Variants in YBEY observed in about 807,000 individuals in gnomAD.
The protein encoded by YBEY is endoribonuclease YbeY.
In YBEY, 15 loss-of-function variants were observed where a neutral mutation model predicts 13.5. The observed-to-expected ratio is 1.11, with a 90% CI of 0.75 to 1.72. The LOEUF is 1.72. YBEY is among the 40% of genes most tolerant of loss of function. The pLI is 0.00. For missense variants in YBEY, 244 were observed against 208.4 expected, an observed-to-expected ratio of 1.17 and a Z score of -1.05; for synonymous variants, 101 against 83.1, an observed-to-expected ratio of 1.21 and a Z score of -1.17.
chr21:46,294,681 G>T (rs1221861277), intron 3 of YBEY, among the ~76,000 whole-genome samples: 1 of 151,184 alleles, frequency 6.6e-6, no homozygotes, highest in East Asian at 1.9e-4. Context: ...CCCGTGCCCG[G>T]GACTCAGTGG....
chr21:46,287,732 C>G (rs1240418830), intron 2 of YBEY, among the ~76,000 whole-genome samples: 1 of 152,088 alleles, frequency 6.6e-6, no homozygotes, highest in Non-Finnish European at 1.5e-5. Context: ...GGCTCATACC[C>G]ATAATCCCAG....
At chr21:46,290,531 A>G (rs1054258262) in intron 2 of YBEY, among the ~76,000 whole-genome samples, 1 of 151,908 alleles carries the variant, frequency 6.6e-6, no homozygotes, top group African/African-American at 2.4e-5. Context: ...AATGGAAACA[A>G]TTTAGGGCAC....
At chr21:46,296,084 C>G in intron 3 of YBEY, 78 bp from the exon 4 acceptor site, 1 of 1,521,260 alleles carries the variant, frequency 6.6e-7, no homozygotes, top group Non-Finnish European at 9.1e-7. Context: ...CAAGAGCAGC[C>G]TGTGGCCCTG....
At chr21:46,297,808 G>C (rs1337124578), downstream of YBEY, 1 of 1,214,148 alleles carries the variant, frequency 8.2e-7, no homozygotes, top group Non-Finnish European at 1.0e-6. Flanking sequence ...CCGTGGCATC[G>C]AGAGGGCGTC....
At chr21:46,292,903 C>T (rs1472638887) in intron 3 of YBEY, among the ~76,000 whole-genome samples, 7 of 69,462 alleles carry the variant, frequency 1.0e-4, no homozygotes, top group African/African-American at 3.8e-4. Context: ...GACCCGTGCC[C>T]GGGACTCAGT....
At chr21:46,300,632 C>T (rs994502526), downstream of YBEY, 21 of 1,226,208 alleles carry the variant, frequency 1.7e-5, no homozygotes, top group Admixed American at 6.1e-5. Flanking sequence ...TCGGTGTTCA[C>T]ACCTGCCCGT....
rs1021189276 is a variant in YBEY, at chr21:46,288,000, G to A, written c.210+877G>A. On this transcript the variant is annotated intron_variant, in intron 2 of 4. Coordinates refer to ENST00000397701, the MANE Select transcript of YBEY (RefSeq NM_001314025.2). ...GCACTCCAGCCTGGGCAAGAAGAGC[G>A]AAACTCTGTCTCAGGAAAAAAAAAA... Among the ~76,000 whole-genome samples the A allele has an allele frequency of 8.2e-5, 12 of 147,082 alleles. 1 individual carries two copies. The South Asian group carries it at 2.0e-3, about 24-fold the overall frequency.
intron 2 of YBEY, among the ~76,000 whole-genome samples, chr21:46,290,071 G>C (rs568056780): frequency 1.1e-5 from 1 of 94,914 alleles, no homozygotes; most frequent in African/African-American, 4.0e-5. Context: ...TGCAGTTTTT[G>C]CCATCTTTAG....
At chr21:46,308,437 G>C in the YBEY span, among the ~76,000 whole-genome samples, 3 of 152,078 alleles carry the variant, frequency 2.0e-5, no homozygotes, top group African/African-American at 7.2e-5. Context: ...CTCCAGCCTG[G>C]GCAAAAGAGT....
chr21:46,288,445 A>G (rs2081556650), intron 2 of YBEY, among the ~76,000 whole-genome samples: 1 of 152,222 alleles, frequency 6.6e-6, no homozygotes, highest in Admixed American at 6.5e-5. Context: ...TGGGAGGCCG[A>G]GGTGGGTGGA....
chr21:46,306,595 GTATT>G, the YBEY span, among the ~76,000 whole-genome samples: 1 of 152,048 alleles, frequency 6.6e-6, no homozygotes, highest in South Asian at 2.1e-4. Context: ...ATTTATTTAT[GTATT>G]TATTTAGAGA....
intron 3 of YBEY, among the ~76,000 whole-genome samples, chr21:46,295,464 G>T (rs913369625): frequency 1.3e-5 from 2 of 151,932 alleles, no homozygotes; most frequent in African/African-American, 4.8e-5. Context: ...TGCCTGCTCA[G>T]GGTCCACAGG....
At chr21:46,303,560 T>A in the YBEY span, among the ~76,000 whole-genome samples, 1 of 150,116 alleles carries the variant, frequency 6.7e-6, no homozygotes. Flanking sequence ...GATATTCAAG[T>A]AGCCAATAAG....
chr21:46,287,012 G>A lies in YBEY; in HGVS notation c.99G>A (p.Gln33=). The change falls in exon 2 of 5, where the codon CAG becomes CAA. Residue 33 remains glutamine (Q), a synonymous_variant. Coordinates refer to ENST00000397701, the MANE Select transcript of YBEY (RefSeq NM_001314025.2). ...TTGTAAGGAGGATTTTAGGAGTGCA[G>A]AAATTTGACCTGGGGATCATCTGTG... ...IEIVRRILGV[Q]KFDLGIICVD... is the part of the protein sequence containing the mutation. The A allele has an allele frequency of 6.2e-7, 1 of 1,613,982 alleles. No homozygotes were observed. Among genetic ancestry groups the A allele is most frequent in the Non-Finnish European group, 8.5e-7 (1 of 1,180,008 alleles).
At chr21:46,290,398 G>T (rs1373496608) in intron 2 of YBEY, among the ~76,000 whole-genome samples, 1 of 151,962 alleles carries the variant, frequency 6.6e-6, no homozygotes, top group Non-Finnish European at 1.5e-5. Flanking sequence ...TAGAGATGGG[G>T]TTTCACCATG....
At chr21:46,304,561 C>T in the YBEY span, among the ~76,000 whole-genome samples, 10 of 151,858 alleles carry the variant, frequency 6.6e-5, no homozygotes, top group East Asian at 1.9e-3. Flanking sequence ...CAAATTAAAC[C>T]AGAATGAACT....
chr21:46,310,961 C>T, the YBEY span, among the ~76,000 whole-genome samples: 1 of 151,924 alleles, frequency 6.6e-6, no homozygotes, highest in African/African-American at 2.4e-5. Flanking sequence ...ACCTCCGCCT[C>T]CCAGGTTCAA....
chr21:46,287,164 C>G, intron 2 of YBEY, 41 bp downstream of exon 2: 1 of 1,526,882 alleles, frequency 6.5e-7, no homozygotes, highest in Non-Finnish European at 8.9e-7. Flanking sequence ...GCCCATCTTC[C>G]CAGAGTAAAT....
chr21:46,291,713 C>T (rs1280889912), intron 3 of YBEY: 1 of 1,265,584 alleles, frequency 7.9e-7, no homozygotes, highest in African/African-American at 1.5e-5. Context: ...CAGCTTTTAT[C>T]TCTGGAGTAG....
Sources: allele counts gnomAD v4.1 joint callset (sites outside exome capture counted in the v4.1 genomes callset), GRCh38; gene constraint gnomAD v4.1.1; transcripts MANE v1.5; gene names NCBI Gene and HGNC (gene_info 2026-07-23, HGNC 2026-07-21).